Variants in OGDH observed in about 807,000 individuals in gnomAD.
OGDH encodes oxoglutarate dehydrogenase.
Under a neutral mutation model 116.6 loss-of-function variants are expected in OGDH, and 38 were observed. The ratio of observed to expected loss-of-function variants is 0.33; its 90% CI spans 0.25 to 0.43. The LOEUF is 0.43. Ranked by LOEUF, OGDH falls within the 20% of genes least tolerant of loss-of-function variation. The probability of loss-of-function intolerance (pLI) is 1.00; values close to 1 mark genes in which losing one functional copy is unlikely to be tolerated. For synonymous variants in OGDH, 488 were observed against 533.3 expected (o/e 0.92, Z 1.17); for missense variants, 825 against 1,357.2 (o/e 0.61, Z 6.16).
intron 5 of OGDH, among the ~76,000 whole-genome samples, chr7:44,672,688 G>A (rs1199593673): frequency 6.7e-6 from 1 of 149,414 alleles, no homozygotes; most frequent in African/African-American, 2.5e-5. Flanking sequence ...TATCGCCCAG[G>A]CTGGAGTGCA....
At chr7:44,642,061 A>G (rs879584259) in intron 2 of OGDH, among the ~76,000 whole-genome samples, 8 of 152,206 alleles carry the variant, frequency 5.3e-5, no homozygotes, top group Non-Finnish European at 7.3e-5. Flanking sequence ...GAAGGTGAGA[A>G]TCTCTTTGGA....
Position 44,694,683 on chromosome 7 carries a change from G to T in OGDH, c.1668+107G>T. The T allele has an allele frequency of 8.2e-7, 1 of 1,219,282 alleles. No individual in the cohort carries two copies. 75.5% of individuals were successfully genotyped at this position (1,219,282 alleles called of 1,614,324 possible). A position where few individuals can be genotyped will look rare whatever the true frequency, so the allele number is the denominator to read the frequency against. Reference sequence around the variant, plus strand: ...ACTTTTGCCAGTTATGAGGATACACGTGAGAGGATGTGAAATATTTACAAC... The same window carrying T: ...ACTTTTGCCAGTTATGAGGATACACTTGAGAGGATGTGAAATATTTACAAC... On this transcript the variant is annotated intron_variant, in intron 12 of 22. Coordinates refer to ENST00000222673, the MANE Select transcript of OGDH (RefSeq NM_002541.4). This position sits in a 1 kb window ranked among gnomAD's most constrained non-coding sequence, Gnocchi z 4.2.
intron 4 of OGDH, among the ~76,000 whole-genome samples, chr7:44,660,890 T>C (rs1032720025): frequency 6.6e-6 from 1 of 152,118 alleles, no homozygotes; most frequent in Non-Finnish European, 1.5e-5. Flanking sequence ...ATTGCACCAC[T>C]ATACTCTGGC....
At chr7:44,658,637 C>T (rs1357520821) in intron 4 of OGDH, among the ~76,000 whole-genome samples, 1 of 151,902 alleles carries the variant, frequency 6.6e-6, no homozygotes, top group East Asian at 1.9e-4. Context: ...AGCCTTATGC[C>T]CTGTTCCTGA....
At chr7:44,625,206 C>A (rs904662252) in intron 2 of OGDH, among the ~76,000 whole-genome samples, 7 of 152,094 alleles carry the variant, frequency 4.6e-5, no homozygotes, top group Non-Finnish European at 1.0e-4. Flanking sequence ...CTTGCTGCAA[C>A]CTCCGACTCC....
chr7:44,698,382 A>G (rs1788681152), intron 18 of OGDH, 119 bp downstream of exon 18: 1 of 1,041,378 alleles, frequency 9.6e-7, no homozygotes, highest in Non-Finnish European at 1.4e-6. Context: ...CCCTTTCTCC[A>G]TCCTGGGGAG....
At position 44,674,528 on chromosome 7, in the gene OGDH, G is replaced by A; in HGVS notation, c.906G>A (p.Val302=). ...TTGACAAGTCTAGTGAGAATGGCGT[G>A]GACTACGTGATCATGGGCATGCCAC... ...TIIDKSSENG[V]DYVIMGMPHR... The change falls in exon 7 of 23, where the codon GTG becomes GTA. Residue 302 remains valine (V), a synonymous_variant. Transcript: ENST00000222673. 6.2e-7 allele frequency: 1 copy of A among 1,614,148 alleles called. No homozygotes were observed. Among genetic ancestry groups the A allele is most frequent in the Non-Finnish European group, 8.5e-7 (1 of 1,180,014 alleles).
intron 20 of OGDH, among the ~76,000 whole-genome samples, chr7:44,705,287 C>T (rs1290837632): frequency 7.0e-6 from 1 of 142,554 alleles, no homozygotes; most frequent in Non-Finnish European, 1.5e-5. Context: ...CTCCTGACCT[C>T]GTGATCCGCC....
intron 10 of OGDH, among the ~76,000 whole-genome samples, chr7:44,692,858 G>C (rs895762235): frequency 1.3e-5 from 2 of 151,456 alleles, no homozygotes; most frequent in Non-Finnish European, 2.9e-5. Context: ...AACATGGCAA[G>C]ACCCCATCTC....
At chr7:44,642,726 A>G (rs1048889221) in intron 2 of OGDH, among the ~76,000 whole-genome samples, 35 of 152,162 alleles carry the variant, frequency 2.3e-4, no homozygotes, top group African/African-American at 8.2e-4. Flanking sequence ...GTTCGAGACC[A>G]GCCTGGCCAA....
chr7:44,638,563 A>G (rs570096541), intron 2 of OGDH, among the ~76,000 whole-genome samples: 1 of 152,328 alleles, frequency 6.6e-6, no homozygotes, highest in Admixed American at 6.5e-5. Flanking sequence ...CCCTGCCTAC[A>G]TCAGACTGCA....
chr7:44,606,862 A>G (rs2117183844), intron 1 of OGDH, among the ~76,000 whole-genome samples: 1 of 151,972 alleles, frequency 6.6e-6, no homozygotes, highest in South Asian at 2.1e-4. Flanking sequence ...CAGCCAATGG[A>G]GCCGCGGGGC....
At chr7:44,612,663 G>C (rs185834993) in intron 1 of OGDH, among the ~76,000 whole-genome samples, 1 of 150,636 alleles carries the variant, frequency 6.6e-6, no homozygotes, top group Non-Finnish European at 1.5e-5. Context: ...GATTACAGGC[G>C]TGAGCCACCA....
intron 10 of OGDH, among the ~76,000 whole-genome samples, chr7:44,687,074 T>A (rs1010025198): frequency 2.0e-5 from 3 of 149,474 alleles, no homozygotes; most frequent in African/African-American, 7.4e-5. Flanking sequence ...CTCATGTTTT[T>A]AAAAAAATTT....
At position 44,647,653 on chromosome 7, in the gene OGDH, A is replaced by G. The variant is rs1010046528; in HGVS notation, c.415-4A>G. On this transcript the variant is annotated splice_polypyrimidine_tract_variant and splice_region_variant and intron_variant, in intron 3 of 22. Coordinates refer to ENST00000222673, the MANE Select transcript of OGDH (RefSeq NM_002541.4). Reference sequence around the variant, plus strand: ...CCTTCCCTCTCATCGTTGGCCACTCATAGATACGAGGGCACCATGTAGCAC... The same window carrying G: ...CCTTCCCTCTCATCGTTGGCCACTCGTAGATACGAGGGCACCATGTAGCAC... The G allele has an allele frequency of 6.2e-7, 1 of 1,612,248 alleles. No individual in the cohort carries two copies. Among genetic ancestry groups the G allele is most frequent in the Non-Finnish European group, 8.5e-7 (1 of 1,178,842 alleles).
intron 2 of OGDH, among the ~76,000 whole-genome samples, chr7:44,630,577 T>G (rs1785396184): frequency 6.6e-6 from 1 of 152,242 alleles, no homozygotes; most frequent in Non-Finnish European, 1.5e-5. Context: ...CCTTGGTATC[T>G]GTGGGGGATT....
chr7:44,700,029 A>G (rs1788757731), intron 18 of OGDH, 112 bp from the exon 19 acceptor site: 6 of 1,170,868 alleles, frequency 5.1e-6, no homozygotes, highest in Non-Finnish European at 7.4e-6. Flanking sequence ...ACAATTCAAC[A>G]TGAGATTTGG....
chr7:44,617,311 AG>A (rs1339204703), intron 1 of OGDH, among the ~76,000 whole-genome samples: 2 of 152,106 alleles, frequency 1.3e-5, no homozygotes, highest in Non-Finnish European at 2.9e-5. Flanking sequence ...AGACATTATG[AG>A]GGGGTTAGGA....
intron 5 of OGDH, among the ~76,000 whole-genome samples, chr7:44,668,311 C>T (rs937989183): frequency 6.6e-6 from 1 of 152,126 alleles, no homozygotes; most frequent in Non-Finnish European, 1.5e-5. Flanking sequence ...ATGGTGGGCT[C>T]CTGTAATCCC....
Sources: allele counts gnomAD v4.1 joint callset (sites outside exome capture counted in the v4.1 genomes callset), GRCh38; gene constraint gnomAD v4.1.1; non-coding constraint Gnocchi (gnomAD v3.1); transcripts MANE v1.5; gene names NCBI Gene and HGNC (gene_info 2026-07-23, HGNC 2026-07-21).